Variants in FHIT observed in about 807,000 individuals in gnomAD.
FHIT encodes bis(5'-adenosyl)-triphosphatase.
Under a neutral mutation model 17.9 loss-of-function variants are expected in FHIT, and 19 were observed. The observed-to-expected ratio is 1.06, with a 90% CI of 0.74 to 1.56. FHIT has a LOEUF of 1.56. Ranked by LOEUF, FHIT falls within the 40% of genes most tolerant of loss-of-function variation. The probability of loss-of-function intolerance (pLI) is 0.00; values close to 1 mark genes in which losing one functional copy is unlikely to be tolerated. For missense variants in FHIT, 248 were observed against 189.2 expected, an observed-to-expected ratio of 1.31 and a Z score of -1.82; for synonymous variants, 81 against 69.7, an observed-to-expected ratio of 1.16 and a Z score of -0.81.
At chr3:60,357,775 C>G (rs1699737856) in intron 5 of FHIT, among the ~76,000 whole-genome samples, 1 of 151,656 alleles carries the variant, frequency 6.6e-6, no homozygotes, top group South Asian at 2.1e-4. Flanking sequence ...AAGCATTGAT[C>G]TATGTTCTAC....
chr3:61,160,451 C>G (rs950117010), intron 2 of FHIT, among the ~76,000 whole-genome samples: 7 of 152,186 alleles, frequency 4.6e-5, no homozygotes, highest in Admixed American at 4.6e-4. Context: ...TTAGAAAGCT[C>G]GTTTTTTACA....
chr3:60,895,702 CTTTCTTTCTTTCTTTCTTTCTT>C (rs1553761754), intron 3 of FHIT, among the ~76,000 whole-genome samples: 7 of 142,198 alleles, frequency 4.9e-5, no homozygotes, highest in Admixed American at 2.1e-4. Flanking sequence ...TTCTTTCTTT[CTTTCTTTCTTTCTTTCTTTCTT>C]TCTTTCTTTC....
chr3:60,833,161 T>C (rs1465132606), intron 3 of FHIT, among the ~76,000 whole-genome samples: 2 of 152,160 alleles, frequency 1.3e-5, no homozygotes, highest in Non-Finnish European at 2.9e-5. Flanking sequence ...CATCATATTG[T>C]CTTTCACTTA....
At chr3:59,792,878 G>A (rs1198820860) in intron 8 of FHIT, among the ~76,000 whole-genome samples, 2 of 147,526 alleles carry the variant, frequency 1.4e-5, no homozygotes, top group Admixed American at 1.4e-4. Flanking sequence ...TTTTTGGGGG[G>A]GGGGGTCATG....
chr3:59,926,324 A>T (rs896307758), intron 7 of FHIT, among the ~76,000 whole-genome samples: 19 of 152,190 alleles, frequency 1.2e-4, no homozygotes, highest in African/African-American at 4.3e-4. Flanking sequence ...TTCACTCAAA[A>T]ATATCTATTT....
chr3:59,952,923 C>T (rs1575756146), intron 7 of FHIT, among the ~76,000 whole-genome samples: 2 of 152,130 alleles, frequency 1.3e-5, no homozygotes, highest in East Asian at 3.9e-4. Flanking sequence ...GCCTACGTTC[C>T]TTGAGTAGAA....
At chr3:61,078,871 C>A (rs1447401090) in intron 2 of FHIT, among the ~76,000 whole-genome samples, 1 of 152,094 alleles carries the variant, frequency 6.6e-6, no homozygotes, top group East Asian at 1.9e-4. Flanking sequence ...CCACTGATTT[C>A]TTTAATGAGC....
chr3:60,205,031 G>T (rs1703107728), intron 5 of FHIT, among the ~76,000 whole-genome samples: 1 of 151,758 alleles, frequency 6.6e-6, no homozygotes, highest in Non-Finnish European at 1.5e-5. Context: ...GGGAGGCAGA[G>T]GTTACAGCGA....
At chr3:60,210,181 T>C (rs1201033209) in intron 5 of FHIT, among the ~76,000 whole-genome samples, 1 of 152,174 alleles carries the variant, frequency 6.6e-6, no homozygotes, top group Admixed American at 6.6e-5. Flanking sequence ...ATGATAAATA[T>C]GCTATCCTTA....
intron 2 of FHIT, among the ~76,000 whole-genome samples, chr3:61,114,963 A>G (rs530224002): frequency 6.6e-6 from 1 of 152,304 alleles, no homozygotes; most frequent in East Asian, 1.9e-4. Context: ...TGAGCTTGAC[A>G]TCAGGGCCAA....
chr3:60,641,223 T>C (rs782217066), intron 4 of FHIT, among the ~76,000 whole-genome samples: 15 of 152,014 alleles, frequency 9.9e-5, no homozygotes, highest in Non-Finnish European at 2.2e-4. Flanking sequence ...TGCTCAAGTA[T>C]AGGTTGATCA....
intron 2 of FHIT, among the ~76,000 whole-genome samples, chr3:61,163,745 C>T (rs1413379696): frequency 1.3e-5 from 2 of 152,170 alleles, no homozygotes; most frequent in Non-Finnish European, 2.9e-5. Flanking sequence ...TATGTCCAAT[C>T]ATACTTCTAC....
intron 4 of FHIT, among the ~76,000 whole-genome samples, chr3:60,539,383 G>A (rs953860533): frequency 1.3e-5 from 2 of 152,158 alleles, no homozygotes; most frequent in Non-Finnish European, 2.9e-5. Context: ...AAGACAGTGT[G>A]GTGATTCCTC....
intron 7 of FHIT, among the ~76,000 whole-genome samples, chr3:59,933,855 C>G (rs1706092832): frequency 6.6e-6 from 1 of 151,984 alleles, no homozygotes; most frequent in African/African-American, 2.4e-5. Flanking sequence ...AGGGGAAAAA[C>G]AAAGAAGAAA....
At position 61,052,850 on chromosome 3, in the gene FHIT, A is replaced by ATT. The variant is rs58097138; in HGVS notation, c.-163-10753_-163-10752dup. 2.0e-3 allele frequency among the ~76,000 whole-genome samples: 307 copies of ATT among 151,308 alleles called. 2 individuals are homozygous for ATT. Among genetic ancestry groups the ATT allele is most frequent in the African/African-American group, 7.0e-3 (290 of 41,232 alleles). On this transcript the variant is annotated intron_variant, in intron 2 of 9. Transcript: ENST00000492590. Reference sequence around the variant, plus strand: ...AATTCTTTTAGATGTTAATTAATCTATTTTTTTTTAAATGAAGATGACTTT... The same window carrying ATT: ...AATTCTTTTAGATGTTAATTAATCTATTTTTTTTTTTAAATGAAGATGACTTT...
intron 2 of FHIT, among the ~76,000 whole-genome samples, chr3:61,140,774 A>G (rs749366633): frequency 2.0e-5 from 3 of 152,212 alleles, no homozygotes; most frequent in Admixed American, 6.5e-5. Flanking sequence ...ATAGCATACC[A>G]GTTCATTAAA....
At chr3:60,583,635 A>C (rs1309725417) in intron 4 of FHIT, among the ~76,000 whole-genome samples, 1 of 152,070 alleles carries the variant, frequency 6.6e-6, no homozygotes, top group Non-Finnish European at 1.5e-5. Flanking sequence ...AAAAATGTAA[A>C]AGTTATCTTT....
chr3:60,599,516 T>A (rs782173608), intron 4 of FHIT, among the ~76,000 whole-genome samples: 12 of 152,238 alleles, frequency 7.9e-5, no homozygotes, highest in Non-Finnish European at 1.6e-4. Context: ...GACTATTAAG[T>A]CGGAGTCAAA....
intron 4 of FHIT, among the ~76,000 whole-genome samples, chr3:60,638,763 C>T (rs1017292673): frequency 2.6e-5 from 4 of 151,496 alleles, no homozygotes; most frequent in Non-Finnish European, 5.9e-5. Flanking sequence ...ACAGAAGAAA[C>T]GTGTTTAAGA....
Sources: gnomAD v4.1 joint callset for allele counts (sites outside exome capture counted in the v4.1 genomes callset) on GRCh38, gnomAD v4.1.1 for gene constraint, MANE v1.5 for transcripts, NCBI Gene and HGNC (gene_info 2026-07-23, HGNC 2026-07-21) for gene names.